UBR3: variants seen among roughly 807,000 people sequenced by gnomAD.
UBR3 encodes E3 ubiquitin-protein ligase UBR3.
Under a neutral mutation model 243.2 loss-of-function variants are expected in UBR3, and 85 were observed. That is an observed-to-expected ratio of 0.35 (90% confidence interval 0.29 to 0.42). The LOEUF is 0.42. Among genes scored for constraint, UBR3 ranks in the 10% least tolerant of loss-of-function variants. The probability of loss-of-function intolerance (pLI) is 1.00; values close to 1 mark genes in which losing one functional copy is unlikely to be tolerated. For synonymous variants in UBR3, 748 were observed against 799.8 expected (o/e 0.94, Z 1.09); for missense variants, 1,686 against 2,300.8 (o/e 0.73, Z 5.47).
At chr2:170,032,269 CAAAAACAAA>C (rs2090692719) in intron 31 of UBR3, among the ~76,000 whole-genome samples, 1 of 57,890 alleles carries the variant, frequency 1.7e-5, no homozygotes, top group African/African-American at 6.3e-5. Context: ...TTGTTAAAAA[CAAAAACAAA>C]AACAGTCACA....
intron 31 of UBR3, among the ~76,000 whole-genome samples, chr2:170,032,182 C>T (rs774933346): frequency 2.6e-5 from 4 of 151,970 alleles, no homozygotes; most frequent in Non-Finnish European, 5.9e-5. Context: ...AAGAAAATAT[C>T]TAGGAACAGA....
At chr2:169,965,094 C>A in intron 24 of UBR3, 1 of 373,564 alleles carries the variant, frequency 2.7e-6, no homozygotes, top group South Asian at 2.1e-5. Flanking sequence ...AGATATCTGA[C>A]CCCAAAAAGC....
intron 34 of UBR3, 26 bp from the exon 35 acceptor site, chr2:170,061,292 G>T: frequency 6.2e-7 from 1 of 1,607,526 alleles, no homozygotes; most frequent in East Asian, 2.2e-5. Flanking sequence ...AGACTGACTT[G>T]TTCAAATTTT....
At chr2:170,061,719 C>T (rs371839762) in intron 35 of UBR3, among the ~76,000 whole-genome samples, 15 of 152,266 alleles carry the variant, frequency 9.9e-5, no homozygotes, top group East Asian at 5.8e-4. Flanking sequence ...CTACCTGCCT[C>T]GGCCTCCCAA....
At chr2:170,055,645 T>C in intron 33 of UBR3, 61 bp downstream of exon 33, 2 of 1,593,178 alleles carry the variant, frequency 1.3e-6, no homozygotes, top group Non-Finnish European at 1.7e-6. Context: ...GCTGGGGATA[T>C]TGAGTGAATA....
intron 6 of UBR3, among the ~76,000 whole-genome samples, chr2:169,894,650 G>T (rs963468544): frequency 1.3e-5 from 2 of 152,102 alleles, no homozygotes; most frequent in African/African-American, 4.8e-5. Flanking sequence ...GGGGAGATGT[G>T]GTATGAACAC....
At position 169,872,241 on chromosome 2, in the gene UBR3, G is replaced by A; in HGVS notation, c.551G>A (p.Cys184Tyr). 6.6e-7 allele frequency: 1 copy of A among 1,516,082 alleles called. No homozygotes were observed. The highest frequency in any genetic ancestry group is 1.3e-5 in the South Asian group (1 of 75,400). 93.9% of individuals were successfully genotyped at this position (1,516,082 alleles called of 1,614,324 possible). The part of the protein sequence containing the change: ...DSNVMRESGF[C>Y]KRHQIKSSSN... ...TTTTCTTTTTCATATTACAGGTTTT[G>A]CAAAAGGCATCAAATTAAATCAAGT... Residue 184 changes from cysteine (C) to tyrosine (Y), a missense_variant, in exon 2 of 39, where the codon TGC (cysteine) becomes TAC (tyrosine). By Grantham distance (194) the Cys-to-Tyr change is radical. Coordinates refer to ENST00000272793, the MANE Select transcript of UBR3 (RefSeq NM_172070.4).
Position 169,910,315 on chromosome 2 carries a change from GT to G in UBR3, c.1780-3744del, listed in dbSNP as rs1180866924. The stretch of plus-strand genomic sequence containing the variant: ...AAGAGAAAAATCAGAAGAATGCCAT[GT>G]CATGTATGTAAGCCCACGGAAGACC... On this transcript the variant is annotated intron_variant, in intron 10 of 38. Coordinates refer to ENST00000272793, the MANE Select transcript of UBR3 (RefSeq NM_172070.4). 2.0e-5 allele frequency among the ~76,000 whole-genome samples: 3 copies of G among 152,244 alleles called. No homozygotes were observed. The East Asian group carries it at 5.8e-4, about 29-fold the overall frequency.
In UBR3 at chr2:170,084,000, A is replaced by G. The variant is rs2091943585; in HGVS notation, c.*2157A>G. On this transcript the variant is annotated 3_prime_UTR_variant, in exon 39 of 39. Transcript: ENST00000272793. ...ATATCTTGTATGAATGATCATTTAAATACAGTACATTACTGTAGAAGCTAA... is the reference window on the plus strand; with the variant it reads ...ATATCTTGTATGAATGATCATTTAAGTACAGTACATTACTGTAGAAGCTAA... 6.6e-6 allele frequency: 1 copy of G among 152,656 alleles called. No individual in the cohort carries two copies. Among genetic ancestry groups the G allele is most frequent in the South Asian group, 2.1e-4 (1 of 4,830 alleles). 9.5% of individuals were successfully genotyped at this position (152,656 alleles called of 1,614,324 possible). A position where few individuals can be genotyped will look rare whatever the true frequency, so the allele number is the denominator to read the frequency against.
intron 2 of UBR3, among the ~76,000 whole-genome samples, chr2:169,872,774 G>A (rs1018137347): frequency 6.6e-6 from 1 of 151,756 alleles, no homozygotes; most frequent in Non-Finnish European, 1.5e-5. Flanking sequence ...TTTTTTAGAA[G>A]TCTGTATATA....
chr2:169,970,238 T>TG lies in UBR3; in HGVS notation c.3634+11712_3634+11713insG, dbSNP rs1335159073. On this transcript the variant is annotated intron_variant, in intron 24 of 38. Transcript: ENST00000272793. ...CCTTGGTTAAACTTGTTCCTAGGTT[T>TG]TTTTTTTTTTTTTTTTGTAGCTGTT... Among the ~76,000 whole-genome samples, 700 of 146,118 alleles carry TG rather than the reference T, an allele frequency of 4.8e-3. 3 individuals carry two copies. Among genetic ancestry groups the TG allele is most frequent in the African/African-American group, 0.017 (648 of 38,504 alleles).
intron 30 of UBR3, among the ~76,000 whole-genome samples, chr2:170,017,546 G>GACACACACACAC (rs34813217): frequency 1.6e-4 from 20 of 125,828 alleles, no homozygotes; most frequent in African/African-American, 6.5e-4. Context: ...CACACACACA[G>GACACACACACAC]ACACACACAC....
At chr2:169,914,737 G>C (rs2105339247) in intron 11 of UBR3, among the ~76,000 whole-genome samples, 1 of 152,226 alleles carries the variant, frequency 6.6e-6, no homozygotes, top group East Asian at 1.9e-4. Flanking sequence ...GCAAAAGAAA[G>C]ACCATGTTTC....
At chr2:170,010,202 C>T (rs145694109) in intron 29 of UBR3, among the ~76,000 whole-genome samples, 3 of 152,108 alleles carry the variant, frequency 2.0e-5, no homozygotes, top group African/African-American at 7.2e-5. Flanking sequence ...TACATTCTTG[C>T]AATAAAAGAC....
At chr2:169,841,868 C>G (rs2082304439) in intron 1 of UBR3, among the ~76,000 whole-genome samples, 1 of 152,234 alleles carries the variant, frequency 6.6e-6, no homozygotes, top group Non-Finnish European at 1.5e-5. Flanking sequence ...GCACCACCCC[C>G]TACTCCACGG....
intron 1 of UBR3, among the ~76,000 whole-genome samples, chr2:169,855,523 G>T (rs1239961423): frequency 6.6e-6 from 1 of 151,868 alleles, no homozygotes; most frequent in African/African-American, 2.4e-5. Flanking sequence ...GTGTCCCTGG[G>T]TACTTGAGAT....
rs117397812 is a variant in UBR3 at position 169,873,963 on chromosome 2, A to G, written c.685+1588A>G. On this transcript the variant is annotated intron_variant, in intron 2 of 38. Transcript: ENST00000272793. ...AGAGTACTTCACATGAAAGTGTCTT[A>G]TATTTTTTGTTGTTGACATAACAGT... Among the ~76,000 whole-genome samples the G allele has an allele frequency of 5.3e-4, 81 of 152,268 alleles. 3 individuals carry two copies. In the East Asian group the frequency reaches 0.015, roughly 29 times the overall value.
intron 8 of UBR3, among the ~76,000 whole-genome samples, chr2:169,902,176 T>C (rs1437272199): frequency 4.6e-5 from 7 of 152,224 alleles, no homozygotes; most frequent in African/African-American, 1.7e-4. Flanking sequence ...CTTGCAGATA[T>C]AGCACACATT....
intron 22 of UBR3, 171 bp downstream of exon 22, chr2:169,947,886 T>G: frequency 1.0e-6 from 1 of 985,282 alleles, no homozygotes; most frequent in Non-Finnish European, 1.2e-6. Context: ...TTACCAGTCT[T>G]TTTCCCTTAA....
Sources: gnomAD v4.1 joint callset for allele counts (sites outside exome capture counted in the v4.1 genomes callset) on GRCh38, gnomAD v4.1.1 for gene constraint, MANE v1.5 for transcripts, NCBI Gene and HGNC (gene_info 2026-07-23, HGNC 2026-07-21) for gene names.